Variants in PTPRD observed in about 807,000 individuals in gnomAD.
PTPRD encodes the protein receptor-type tyrosine-protein phosphatase delta.
Under a neutral mutation model 214.5 loss-of-function variants are expected in PTPRD, and 34 were observed. The observed-to-expected ratio is 0.16, with a 90% confidence interval of 0.12 to 0.21. The LOEUF is 0.21. Among genes scored for constraint, PTPRD ranks in the 10% least tolerant of loss-of-function variants. PTPRD has a pLI of 1.00. For synonymous variants in PTPRD, 1,128 were observed against 845.7 expected (o/e 1.33, Z -5.79); for missense variants, 2,545 against 2,398.7 (o/e 1.06, Z -1.27).
At chr9:8,955,815 A>G (rs1425508161) in intron 11 of PTPRD, among the ~76,000 whole-genome samples, 1 of 151,876 alleles carries the variant, frequency 6.6e-6, no homozygotes, top group Non-Finnish European at 1.5e-5. Flanking sequence ...TCATTAAATC[A>G]TCTTAAATGT....
chr9:10,013,321 G>T (rs1169529844), intron 4 of PTPRD, among the ~76,000 whole-genome samples: 2 of 151,706 alleles, frequency 1.3e-5, no homozygotes, highest in Admixed American at 1.3e-4. Flanking sequence ...AGAAATCAAA[G>T]AATAAAATTA....
chr9:9,932,239 C>T (rs62536891), intron 5 of PTPRD, among the ~76,000 whole-genome samples: 21,910 of 149,344 alleles, frequency 0.15, 4,235 homozygotes, highest in African/African-American at 0.45. Flanking sequence ...ATAACTTTGA[C>T]GAGCTGAGAG....
At chr9:8,777,518 A>G (rs1253973143) in intron 11 of PTPRD, among the ~76,000 whole-genome samples, 2 of 152,234 alleles carry the variant, frequency 1.3e-5, no homozygotes, top group Non-Finnish European at 2.9e-5. Flanking sequence ...AAGAAATTTC[A>G]TAATCTAGGA....
chr9:10,048,256 C>A (rs962622851), intron 3 of PTPRD, among the ~76,000 whole-genome samples: 3 of 116,266 alleles, frequency 2.6e-5, no homozygotes, highest in African/African-American at 8.3e-5. Flanking sequence ...CCTTGCTAAC[C>A]TTTTCTTCTT....
chr9:9,102,411 C>T (rs552441806), intron 10 of PTPRD, among the ~76,000 whole-genome samples: 2 of 152,286 alleles, frequency 1.3e-5, no homozygotes, highest in South Asian at 4.1e-4. Flanking sequence ...CAGAATCACG[C>T]TGCGGGAACT....
chr9:9,956,091 T>G (rs542256889), intron 4 of PTPRD, among the ~76,000 whole-genome samples: 1 of 152,136 alleles, frequency 6.6e-6, no homozygotes, highest in African/African-American at 2.4e-5. Flanking sequence ...ATATATAGAT[T>G]TTGCTCATAT....
chr9:8,890,204 C>T (rs2098527052), intron 11 of PTPRD, among the ~76,000 whole-genome samples: 1 of 152,134 alleles, frequency 6.6e-6, no homozygotes, highest in Admixed American at 6.6e-5. Context: ...TGCCCTTTAT[C>T]AAGGGCTACA....
At chr9:9,163,074 A>G (rs2099893615) in intron 10 of PTPRD, among the ~76,000 whole-genome samples, 1 of 152,132 alleles carries the variant, frequency 6.6e-6, no homozygotes, top group South Asian at 2.1e-4. Context: ...CACTTAAAAT[A>G]TTGATGACCT....
intron 10 of PTPRD, among the ~76,000 whole-genome samples, chr9:9,063,033 G>A (rs2099710510): frequency 6.6e-6 from 1 of 152,082 alleles, no homozygotes; most frequent in African/African-American, 2.4e-5. Flanking sequence ...ACACTTATCT[G>A]GGCAGTATGT....
At chr9:10,469,890 A>G (rs1342234401) in intron 2 of PTPRD, among the ~76,000 whole-genome samples, 1 of 152,052 alleles carries the variant, frequency 6.6e-6, no homozygotes, top group African/African-American at 2.4e-5. Context: ...GTTAAGTGAA[A>G]TAACCCAGGC....
chr9:9,281,863 C>T (rs919671310), intron 9 of PTPRD, among the ~76,000 whole-genome samples: 7 of 150,808 alleles, frequency 4.6e-5, no homozygotes, highest in Admixed American at 1.3e-4. Flanking sequence ...AGATACCCTA[C>T]GGTAGATGAA....
intron 7 of PTPRD, among the ~76,000 whole-genome samples, chr9:9,580,158 C>A (rs2090285165): frequency 6.6e-6 from 1 of 151,996 alleles, no homozygotes; most frequent in Admixed American, 6.6e-5. Flanking sequence ...GTGAATAGAA[C>A]TGCAATAAAC....
chr9:8,329,693 G>A (rs1372213648), intron 44 of PTPRD, among the ~76,000 whole-genome samples: 3 of 152,154 alleles, frequency 2.0e-5, no homozygotes, highest in Admixed American at 6.5e-5. Flanking sequence ...TGGGGCTGCT[G>A]TCTTTCTTTC....
intron 14 of PTPRD, among the ~76,000 whole-genome samples, chr9:8,608,600 A>G (rs1376438019): frequency 8.2e-6 from 1 of 121,266 alleles, no homozygotes; most frequent in African/African-American, 2.8e-5. Flanking sequence ...GCAGCAGGGA[A>G]TCTGAATCTG....
chr9:10,469,006 C>A (rs1198296230), intron 2 of PTPRD, among the ~76,000 whole-genome samples: 3 of 151,854 alleles, frequency 2.0e-5, no homozygotes, highest in Non-Finnish European at 4.4e-5. Flanking sequence ...ATATAACTAC[C>A]CAAAACCTAT....
intron 11 of PTPRD, among the ~76,000 whole-genome samples, chr9:8,972,109 T>C (rs1332086046): frequency 2.0e-5 from 3 of 151,842 alleles, no homozygotes; most frequent in East Asian, 3.9e-4. Context: ...ACAGTTCTGA[T>C]AGCATTACCT....
At chr9:9,696,424 A>T (rs891471605) in intron 7 of PTPRD, among the ~76,000 whole-genome samples, 2 of 152,004 alleles carry the variant, frequency 1.3e-5, no homozygotes, top group African/African-American at 2.4e-5. Context: ...CTATTATTGT[A>T]TTGCAGTCTA....
intron 7 of PTPRD, among the ~76,000 whole-genome samples, chr9:9,696,292 T>C (rs2097372495): frequency 6.6e-6 from 1 of 152,160 alleles, no homozygotes; most frequent in Non-Finnish European, 1.5e-5. Flanking sequence ...TTGGATGAAA[T>C]GTTCTACAAA....
intron 11 of PTPRD, among the ~76,000 whole-genome samples, chr9:8,900,771 G>A (rs969264751): frequency 5.3e-5 from 8 of 152,154 alleles, no homozygotes; most frequent in Admixed American, 5.2e-4. Flanking sequence ...TAAATGTGGG[G>A]GAAAATGGTC....
Sources: gnomAD v4.1 joint callset for allele counts (sites outside exome capture counted in the v4.1 genomes callset) on GRCh38, gnomAD v4.1.1 for gene constraint, MANE v1.5 for transcripts, NCBI Gene and HGNC (gene_info 2026-07-23, HGNC 2026-07-21) for gene names.